The following HK1 variants were observed in gnomAD, a reference collection of about 807,000 sequenced individuals.
HK1 encodes hexokinase 1.
Under a neutral mutation model 91.6 loss-of-function variants are expected in HK1, and 28 were observed. The ratio of observed to expected loss-of-function variants is 0.31; its 90% CI spans 0.23 to 0.42. HK1 has a LOEUF of 0.42. Among genes scored for constraint, HK1 ranks in the 10% least tolerant of loss-of-function variants. HK1 has a pLI of 1.00. For missense variants in HK1, 770 were observed against 1,219.8 expected (o/e 0.63, Z 5.49); for synonymous variants, 430 against 468.1 (o/e 0.92, Z 1.05).
Position 69,384,495 on chromosome 10 carries a change from A to G in HK1, c.1719+14A>G, listed in dbSNP as rs770026839. The G allele has an allele frequency of 6.2e-7, 1 of 1,614,092 alleles. No individual in the cohort carries two copies. The highest frequency in any genetic ancestry group is 1.1e-5 in the South Asian group (1 of 91,060). ...ACTGGGGAAGAGGTGAGATTACAAA[A>G]CCATAGTGCATGTGCACTGCACACA... On this transcript the variant is annotated intron_variant, in intron 11 of 17. Coordinates refer to ENST00000359426, the MANE Select transcript of HK1 (RefSeq NM_000188.3).
At chr10:69,307,657 G>A (rs1846166022) in intron 5 of HK1, among the ~76,000 whole-genome samples, 2 of 151,978 alleles carry the variant, frequency 1.3e-5, no homozygotes, top group Admixed American at 1.3e-4. Context: ...CTATAAAATG[G>A]GGATATTACG....
upstream of HK1, among the ~76,000 whole-genome samples, chr10:69,317,052 TTAAA>T (rs1431568567): frequency 3.3e-5 from 5 of 152,128 alleles, no homozygotes; most frequent in African/African-American, 1.2e-4. Context: ...GGCTTGAAAA[TTAAA>T]TAAATTGGCA....
chr10:69,378,722 C>A (rs1220797223), intron 8 of HK1, among the ~76,000 whole-genome samples: 1 of 152,122 alleles, frequency 6.6e-6, no homozygotes, highest in Non-Finnish European at 1.5e-5. Flanking sequence ...GCCCAGCCCC[C>A]ATCCTCTTCT....
At chr10:69,298,530 G>A (rs1845686242) in intron 4 of HK1, among the ~76,000 whole-genome samples, 2 of 151,838 alleles carry the variant, frequency 1.3e-5, no homozygotes, top group South Asian at 4.1e-4. Flanking sequence ...GAGAGGCTGA[G>A]GCAGGAGAAT....
chr10:69,313,696 C>A (rs879926703), upstream of HK1, among the ~76,000 whole-genome samples: 2 of 152,112 alleles, frequency 1.3e-5, no homozygotes, highest in African/African-American at 4.8e-5. Context: ...GGGGTTTCTC[C>A]ATGTTGGTCA....
chr10:69,396,686 A>G (rs966468535), intron 16 of HK1, among the ~76,000 whole-genome samples: 4 of 151,862 alleles, frequency 2.6e-5, no homozygotes, highest in African/African-American at 7.3e-5. Context: ...TTATTTTTTT[A>G]TTTTTATTTT....
chr10:69,283,124 CA>C (rs34547808), intron 2 of HK1, among the ~76,000 whole-genome samples: 16,939 of 60,612 alleles, frequency 0.28, 1,149 homozygotes, highest in South Asian at 0.35. Context: ...AACTCAGTTT[CA>C]AAAAAAAAAA....
At chr10:69,370,153 T>C (rs1390751428) in intron 7 of HK1, among the ~76,000 whole-genome samples, 1 of 152,214 alleles carries the variant, frequency 6.6e-6, no homozygotes, top group Non-Finnish European at 1.5e-5. Context: ...AATTACACTA[T>C]GATTGTGTCC....
chr10:69,389,343 G>A, intron 14 of HK1, 47 bp downstream of exon 14: 4 of 1,419,218 alleles, frequency 2.8e-6, no homozygotes, highest in Non-Finnish European at 3.9e-6. Context: ...GAAGGCTGGG[G>A]TTTCCCCGTT....
At position 69,401,223 on chromosome 10, in the gene HK1, A is replaced by G; in HGVS notation, c.*88A>G. 6 of 1,490,670 alleles carry G rather than the reference A, an allele frequency of 4.0e-6. No homozygotes were observed. The highest frequency in any genetic ancestry group is 5.5e-6 in the Non-Finnish European group (6 of 1,098,764). 92.3% of individuals were successfully genotyped at this position (1,490,670 alleles called of 1,614,324 possible). A position where few individuals can be genotyped will look rare whatever the true frequency, so the allele number is the denominator to read the frequency against. ...CCCTCCCAGCGAGTTGCGCTGGGAG[A>G]CGCTGGCGCCAGGGCCTGCCGGCGC... is the stretch of plus-strand genomic sequence containing the variant. On this transcript the variant is annotated 3_prime_UTR_variant, in exon 18 of 18. Transcript: ENST00000359426.
intron 2 of HK1, among the ~76,000 whole-genome samples, chr10:69,356,882 C>CAAAAAAAAA: frequency 1.6e-5 from 1 of 62,016 alleles, no homozygotes; most frequent in Admixed American, 2.0e-4. Context: ...AACTCCATCT[C>CAAAAAAAAA]AAAAAAAAAA....
chr10:69,360,129 A>G (rs1384717602), intron 3 of HK1, 84 bp downstream of exon 3: 5 of 1,319,904 alleles, frequency 3.8e-6, no homozygotes, highest in Non-Finnish European at 5.5e-6. Flanking sequence ...AAGCACTGGC[A>G]TCCCAAGCCC....
At chr10:69,304,919 C>CAAG (rs2132512999) in intron 5 of HK1, among the ~76,000 whole-genome samples, 1 of 152,244 alleles carries the variant, frequency 6.6e-6, no homozygotes, top group South Asian at 2.1e-4. Context: ...AGTCCAAATT[C>CAAG]AAGGTGTTGG....
At position 69,396,003 on chromosome 10, in the gene HK1, G is replaced by A. The variant is rs139761083; in HGVS notation, c.2375+898G>A. 3.9e-3 allele frequency among the ~76,000 whole-genome samples: 599 copies of A among 152,296 alleles called. 6 individuals are homozygous for A. The highest frequency in any genetic ancestry group is 0.013 in the African/African-American group (553 of 41,548). On this transcript the variant is annotated intron_variant, in intron 16 of 17. Coordinates refer to ENST00000359426, the MANE Select transcript of HK1 (RefSeq NM_000188.3). ...AGGCTCTGTGTAGGCTGGGCACGGTGGCTCATGCCTGTAATCTCAACACTT... is the reference window on the plus strand; with the variant it reads ...AGGCTCTGTGTAGGCTGGGCACGGTAGCTCATGCCTGTAATCTCAACACTT...
intron 5 of HK1, among the ~76,000 whole-genome samples, chr10:69,301,453 A>C (rs1339316212): frequency 2.0e-5 from 3 of 150,466 alleles, no homozygotes; most frequent in Admixed American, 6.6e-5. Flanking sequence ...ACACACCTGT[A>C]ATCCCAGCTA....
chr10:69,386,462 G>T, intron 13 of HK1, 44 bp downstream of exon 13: 1 of 1,468,112 alleles, frequency 6.8e-7, no homozygotes, highest in Non-Finnish European at 9.5e-7. Context: ...ACTGTTTTAG[G>T]GGCTTCTAAA....
At position 69,318,965 on chromosome 10, in the gene HK1, C is replaced by G; in HGVS notation, c.18C>G (p.Leu6=). ...CCGCCAGCATGATCGCCGCGCAGCT[C>G]CTGGCCTATTACTTCACGGAGCTGA... MIAAQ[L]LAYYFTELKD... is the part of the protein sequence containing the mutation. The change falls in exon 1 of 18, where the codon CTC becomes CTG. Residue 6 remains leucine, a synonymous_variant. Coordinates refer to ENST00000359426, the MANE Select transcript of HK1 (RefSeq NM_000188.3). 1.2e-6 allele frequency: 2 copies of G among 1,600,434 alleles called. No homozygotes were observed. The highest frequency in any genetic ancestry group is 1.7e-6 in the Non-Finnish European group (2 of 1,174,514).
intron 1 of HK1, among the ~76,000 whole-genome samples, chr10:69,332,280 C>T (rs143077516): frequency 6.6e-6 from 1 of 152,260 alleles, no homozygotes; most frequent in African/African-American, 2.4e-5. Flanking sequence ...GTTTCCTCAT[C>T]TGGAATCCAT....
At chr10:69,285,930 A>G (rs1845009814) in intron 2 of HK1, among the ~76,000 whole-genome samples, 2 of 152,202 alleles carry the variant, frequency 1.3e-5, no homozygotes, top group Non-Finnish European at 2.9e-5. Context: ...CTCCTGGGTA[A>G]CAACATTGTA....
Sources: gnomAD v4.1 joint callset for allele counts (sites outside exome capture counted in the v4.1 genomes callset) on GRCh38, gnomAD v4.1.1 for gene constraint, MANE v1.5 for transcripts, NCBI Gene and HGNC (gene_info 2026-07-23, HGNC 2026-07-21) for gene names.